The following ITGB3 variants were observed in gnomAD, a reference collection of about 807,000 sequenced individuals.
ITGB3 encodes integrin beta-3.
In ITGB3, 48 loss-of-function variants were observed where a neutral mutation model predicts 85.8. The observed-to-expected ratio is 0.56, with a 90% CI of 0.44 to 0.71. The LOEUF (loss-of-function observed/expected upper bound fraction) is 0.71. ITGB3 is among the 30% of genes least tolerant of loss of function. The pLI is 0.00. For missense variants in ITGB3, 861 were observed against 1,019.1 expected, an observed-to-expected ratio of 0.84 and a Z score of 2.11; for synonymous variants, 363 against 395.6, an observed-to-expected ratio of 0.92 and a Z score of 0.98.
At chr17:47,300,687 C>A in intron 12 of ITGB3, 109 bp downstream of exon 12, 1 of 796,866 alleles carries the variant, frequency 1.3e-6, no homozygotes, top group Non-Finnish European at 2.1e-6. Flanking sequence ...TGACTTCTAC[C>A]TCAGGGAATG....
At chr17:47,308,367 A>G (rs1360003442) in intron 14 of ITGB3, among the ~76,000 whole-genome samples, 1 of 151,848 alleles carries the variant, frequency 6.6e-6, no homozygotes, top group East Asian at 1.9e-4. Context: ...TGACTCCCCA[A>G]ATGTCCAGAG....
At chr17:47,304,453 T>C (rs187766770) in intron 13 of ITGB3, among the ~76,000 whole-genome samples, 12 of 152,388 alleles carry the variant, frequency 7.9e-5, no homozygotes, top group African/African-American at 2.4e-4. Context: ...GAATGGGCTC[T>C]TGAGCTGGGC....
intron 2 of ITGB3, among the ~76,000 whole-genome samples, chr17:47,280,965 T>A (rs2065081926): frequency 6.6e-6 from 1 of 152,220 alleles, no homozygotes; most frequent in African/African-American, 2.4e-5. Context: ...GTTCTGCCAC[T>A]TCCTAGCTCT....
At chr17:47,277,181 T>C (rs1475591819) in intron 2 of ITGB3, among the ~76,000 whole-genome samples, 1 of 152,146 alleles carries the variant, frequency 6.6e-6, no homozygotes, top group Non-Finnish European at 1.5e-5. Flanking sequence ...AGAGGCGGGC[T>C]TTATACAGAG....
Position 47,292,438 on chromosome 17 carries a change from C to A in ITGB3, c.1560C>A (p.Val520=). The change falls in exon 10 of 15, where the codon GTC becomes GTA. Residue 520 remains valine, a synonymous_variant. Transcript: ENST00000559488. Reference sequence around the variant, plus strand: ...GCAGCCCCCGGGAGGGTCAGCCCGTCTGCAGCCAGCGGGGCGAGTGCCTCT... The same window carrying A: ...GCAGCCCCCGGGAGGGTCAGCCCGTATGCAGCCAGCGGGGCGAGTGCCTCT... ...DECSPREGQP[V]CSQRGECLCG... 6.2e-7 allele frequency: 1 copy of A among 1,609,598 alleles called. No individual in the cohort carries two copies. Among genetic ancestry groups the A allele is most frequent in the Non-Finnish European group, 8.5e-7 (1 of 1,176,476 alleles).
At chr17:47,296,408 A>T (rs964432727) in intron 10 of ITGB3, among the ~76,000 whole-genome samples, 1 of 151,974 alleles carries the variant, frequency 6.6e-6, no homozygotes. Flanking sequence ...TAATTTTTTA[A>T]AAATTTGTAG....
chr17:47,289,894 TC>T, intron 7 of ITGB3, 118 bp downstream of exon 7: 1 of 789,128 alleles, frequency 1.3e-6, no homozygotes. Context: ...CCTAATCCAC[TC>T]CCCAGGAGCT....
At chr17:47,266,276 G>A (rs978597788) in intron 1 of ITGB3, among the ~76,000 whole-genome samples, 3 of 152,100 alleles carry the variant, frequency 2.0e-5, no homozygotes, top group East Asian at 3.9e-4. Flanking sequence ...CTCCCTTCTC[G>A]ATAAACACCT....
rs775647922 is a variant in ITGB3 at position 47,299,447 on chromosome 17, C to T, written c.1830C>T (p.Gly610=). ...LCSGRGKCEC[G]SCVCIQPGSY... ...GCGGCCGCGGCAAGTGTGAATGTGGCAGCTGTGTCTGTATCCAGCCGGGCT... is the reference window on the plus strand; with the variant it reads ...GCGGCCGCGGCAAGTGTGAATGTGGTAGCTGTGTCTGTATCCAGCCGGGCT... Residue 610 remains glycine (G), a synonymous_variant, in exon 11 of 15, where the codon GGC becomes GGT. Coordinates refer to ENST00000559488, the MANE Select transcript of ITGB3 (RefSeq NM_000212.3). The surrounding 1 kb of genome is among the most constrained non-coding windows in gnomAD (Gnocchi z 5.1). 6.2e-7 allele frequency: 1 copy of T among 1,614,266 alleles called. No individual in the cohort carries two copies. The highest frequency in any genetic ancestry group is 8.5e-7 in the Non-Finnish European group (1 of 1,180,052).
intron 2 of ITGB3, among the ~76,000 whole-genome samples, chr17:47,280,724 A>C (rs994004864): frequency 2.6e-5 from 4 of 152,138 alleles, no homozygotes; most frequent in African/African-American, 9.7e-5. Context: ...TATGGCTGCC[A>C]GGTTGCTTGA....
intron 11 of ITGB3, 52 bp from the exon 12 acceptor site, chr17:47,300,426 C>T (rs1256168308): frequency 1.7e-5 from 23 of 1,337,178 alleles, no homozygotes; most frequent in Non-Finnish European, 2.2e-5. Flanking sequence ...GACTGGGATA[C>T]GCTTAGGCTT....
intron 10 of ITGB3, among the ~76,000 whole-genome samples, chr17:47,296,922 A>T (rs531220871): frequency 6.6e-6 from 1 of 152,362 alleles, no homozygotes; most frequent in East Asian, 1.9e-4. Context: ...AAATATCTAC[A>T]GTGAGGCCCA....
rs1016980428 is a variant in ITGB3 at position 47,313,188 on chromosome 17, G to A, written c.*2984G>A. Among the ~76,000 whole-genome samples, 2 of 151,634 alleles carry A rather than the reference G, an allele frequency of 1.3e-5. No homozygotes were observed. Among genetic ancestry groups the A allele is most frequent in the African/African-American group, 2.4e-5 (1 of 41,232 alleles). On this transcript the variant is annotated 3_prime_UTR_variant, in exon 15 of 15. Transcript: ENST00000559488. ...GGGGTTTCACCATGTTGGCCAGGCT[G>A]GTCTCGAACTCCTGACCTTAGGCGA... is the stretch of plus-strand genomic sequence containing the variant.
At position 47,290,305 on chromosome 17, in the gene ITGB3, G is replaced by A. The variant is rs146264973; in HGVS notation, c.1125+31G>A. 3.0e-4 allele frequency: 478 copies of A among 1,570,158 alleles called. 2 individuals are homozygous for A. In the African/African-American group the frequency reaches 4.9e-3, roughly 16 times the overall value. Reference sequence around the variant, plus strand: ...TGTCTTGTGCTGGGAATAGTCCCGCGGAGAGTCCACCTCATTTGGCTTACA... The same window carrying A: ...TGTCTTGTGCTGGGAATAGTCCCGCAGAGAGTCCACCTCATTTGGCTTACA... On this transcript the variant is annotated intron_variant, in intron 8 of 14. Transcript: ENST00000559488.
At chr17:47,254,987 A>T (rs913154427) in intron 1 of ITGB3, among the ~76,000 whole-genome samples, 1 of 151,978 alleles carries the variant, frequency 6.6e-6, no homozygotes, top group Non-Finnish European at 1.5e-5. Flanking sequence ...TTATTTATTT[A>T]TTTATTTTTG....
intron 1 of ITGB3, among the ~76,000 whole-genome samples, chr17:47,270,994 T>C (rs1433135912): frequency 6.6e-6 from 1 of 152,216 alleles, no homozygotes; most frequent in Non-Finnish European, 1.5e-5. Flanking sequence ...TCTATTCCCC[T>C]ACCTTTCATT....
chr17:47,287,495 T>G (rs2065107276), intron 6 of ITGB3, among the ~76,000 whole-genome samples: 1 of 152,204 alleles, frequency 6.6e-6, no homozygotes, highest in African/African-American at 2.4e-5. Context: ...GGATCCAGAA[T>G]GGACCCAAAG....
chr17:47,289,851 T>C (rs1304445916), intron 7 of ITGB3, 75 bp downstream of exon 7: 2 of 1,003,576 alleles, frequency 2.0e-6, no homozygotes, highest in Admixed American at 3.4e-5. Context: ...TGTGCTAGCA[T>C]TGGATACAGT....
At chr17:47,293,394 A>C (rs1357011952) in intron 10 of ITGB3, among the ~76,000 whole-genome samples, 3 of 152,168 alleles carry the variant, frequency 2.0e-5, no homozygotes, top group Admixed American at 6.5e-5. Context: ...ATCCGCAGAC[A>C]TGTTGGCAAC....
Sources: allele counts gnomAD v4.1 joint callset (sites outside exome capture counted in the v4.1 genomes callset), GRCh38; gene constraint gnomAD v4.1.1; non-coding constraint Gnocchi (gnomAD v3.1); transcripts MANE v1.5; gene names NCBI Gene and HGNC (gene_info 2026-07-23, HGNC 2026-07-21).